Variants in VPS13A observed in about 807,000 individuals in gnomAD.
The protein encoded by VPS13A is vacuolar protein sorting 13 homolog A, also known as intermembrane lipid transfer protein VPS13A.
Under a neutral mutation model 390.9 loss-of-function variants are expected in VPS13A, and 264 were observed. That is an observed-to-expected ratio of 0.68 (90% CI 0.61 to 0.75). VPS13A has a LOEUF of 0.75. Ranked by LOEUF, VPS13A falls within the 30% of genes least tolerant of loss-of-function variation. The pLI, the probability that VPS13A is intolerant of heterozygous loss-of-function variation, is 0.00. For missense variants in VPS13A, 3,409 were observed against 3,733.9 expected (o/e 0.91, Z 2.27); for synonymous variants, 1,231 against 1,227.1 (o/e 1.00, Z -0.07).
At chr9:77,317,792 C>T (rs1157032103) in intron 40 of VPS13A, 94 bp downstream of exon 40, 1 of 883,426 alleles carries the variant, frequency 1.1e-6, no homozygotes, top group Non-Finnish European at 1.7e-6. Context: ...AATTGTTATG[C>T]AAACAAAATA....
intron 35 of VPS13A, among the ~76,000 whole-genome samples, chr9:77,313,069 T>C (rs1003056193): frequency 6.6e-6 from 1 of 152,184 alleles, no homozygotes; most frequent in Non-Finnish European, 1.5e-5. Flanking sequence ...TTTCATTCCA[T>C]AGAGTGCATG....
Position 77,258,320 on chromosome 9 carries a change from A to G in VPS13A, c.2289-1766A>G, listed in dbSNP as rs147221927. Among the ~76,000 whole-genome samples the G allele has an allele frequency of 4.8e-3, 737 of 152,312 alleles. 6 individuals carry two copies. Among genetic ancestry groups the G allele is most frequent in the African/African-American group, 0.017 (699 of 41,562 alleles). ...GCTTCATGCCTAGTTAAAGTGTACT[A>G]GGAAGAATAGAGGGAATTAGAGAGA... On this transcript the variant is annotated intron_variant, in intron 22 of 71. Transcript: ENST00000360280.
chr9:77,223,956 C>G (rs1017098484), intron 13 of VPS13A, among the ~76,000 whole-genome samples: 1 of 152,146 alleles, frequency 6.6e-6, no homozygotes, highest in African/African-American at 2.4e-5. Flanking sequence ...GCTGACGTAG[C>G]TAGTGATTTC....
At chr9:77,308,143 C>CT (rs756739783) in intron 35 of VPS13A, 45 bp downstream of exon 35, 5 of 1,596,034 alleles carry the variant, frequency 3.1e-6, no homozygotes, top group Non-Finnish European at 4.3e-6. Flanking sequence ...CTCTTTCTCT[C>CT]TTTTTTCTTC....
chr9:77,398,857 A>T (rs959972194), intron 68 of VPS13A, among the ~76,000 whole-genome samples: 3 of 151,860 alleles, frequency 2.0e-5, no homozygotes, highest in Admixed American at 1.3e-4. Flanking sequence ...ATGAGTTCAT[A>T]TCCTTTGTAG....
At chr9:77,298,412 G>T (rs1316633748) in intron 33 of VPS13A, among the ~76,000 whole-genome samples, 1 of 152,106 alleles carries the variant, frequency 6.6e-6, no homozygotes, top group Non-Finnish European at 1.5e-5. Flanking sequence ...ACAGAAAGAG[G>T]AACCCTCAAA....
intron 17 of VPS13A, among the ~76,000 whole-genome samples, chr9:77,230,225 A>C (rs190949552): frequency 1.3e-4 from 19 of 151,440 alleles, no homozygotes; most frequent in Non-Finnish European, 2.2e-4. Flanking sequence ...TTTTCTTTTT[A>C]TTTTTCTTAA....
intron 31 of VPS13A, among the ~76,000 whole-genome samples, chr9:77,284,617 C>A (rs1420996815): frequency 6.6e-6 from 1 of 152,124 alleles, no homozygotes; most frequent in Non-Finnish European, 1.5e-5. Context: ...AAGTAAAGCT[C>A]ACAGAAATAA....
chr9:77,379,596 A>G (rs1290578586), intron 67 of VPS13A, among the ~76,000 whole-genome samples: 1 of 148,234 alleles, frequency 6.7e-6, no homozygotes, highest in Non-Finnish European at 1.5e-5. Flanking sequence ...CTTGTCTTGA[A>G]CTCCTGACCT....
At position 77,416,147 on chromosome 9, in the gene VPS13A, AAAAC is replaced by A. The variant is rs937651054; in HGVS notation, c.*145_*148del. The stretch of plus-strand genomic sequence containing the variant: ...ATGCTAAAAAACAAAAACAAACAAA[AAAAC>A]AAAAACAAAAAAACAAAACCAGAAT... On this transcript the variant is annotated 3_prime_UTR_variant, in exon 72 of 72. Transcript: ENST00000360280. 5 of 989,966 alleles carry A rather than the reference AAAAC, an allele frequency of 5.1e-6. No individual in the cohort carries two copies. The African/African-American group carries it at 8.2e-5, about 16-fold the overall frequency. 61.3% of individuals were successfully genotyped at this position (989,966 alleles called of 1,614,324 possible).
chr9:77,295,563 G>A lies in VPS13A; in HGVS notation c.3529G>A (p.Ala1177Thr). Residue 1177 changes from alanine to threonine, a missense_variant, in exon 33 of 72, where the codon GCA becomes ACA. Ala to Thr is a moderately conservative substitution (Grantham distance 58, BLOSUM62 0). This residue lies in a region of VPS13A where 2,717 missense variants were observed against 2,917.4 expected (regional missense o/e 0.93). Coordinates refer to ENST00000360280, the MANE Select transcript of VPS13A (RefSeq NM_033305.3). ...ACAGGCTTTTATAGATAATTTTCAG[G>A]CAGCTAAACAAGCCTTGGCTGAGGC... is the stretch of plus-strand genomic sequence containing the variant. ...SILAFIDNFQ[A>T]AKQALAEATV... 5 of 1,606,562 alleles carry A rather than the reference G, an allele frequency of 3.1e-6. No individual in the cohort carries two copies. Among genetic ancestry groups the A allele is most frequent in the Admixed American group, 3.4e-5 (2 of 59,552 alleles).
chr9:77,282,740 G>T (rs1827111959), intron 29 of VPS13A, among the ~76,000 whole-genome samples: 1 of 152,030 alleles, frequency 6.6e-6, no homozygotes, highest in African/African-American at 2.4e-5. Flanking sequence ...TTGAGGCCAG[G>T]AGTTCAAAAC....
intron 1 of VPS13A, among the ~76,000 whole-genome samples, chr9:77,185,539 A>G (rs939760239): frequency 2.0e-5 from 3 of 152,186 alleles, no homozygotes; most frequent in Non-Finnish European, 4.4e-5. Flanking sequence ...AAAACTTCAC[A>G]TATCTGGTTA....
chr9:77,258,007 C>T (rs1825547482), intron 22 of VPS13A, among the ~76,000 whole-genome samples: 1 of 152,142 alleles, frequency 6.6e-6, no homozygotes, highest in African/African-American at 2.4e-5. Flanking sequence ...CATGTATTTA[C>T]ATTTACTGGG....
At chr9:77,275,933 A>G in intron 25 of VPS13A, 132 bp from the exon 26 acceptor site, 1 of 1,015,602 alleles carries the variant, frequency 9.8e-7, no homozygotes, top group South Asian at 1.5e-5. Context: ...GTGTGGGTAT[A>G]AAATCTCTCC....
At chr9:77,307,104 G>A (rs973110246) in intron 34 of VPS13A, among the ~76,000 whole-genome samples, 8 of 151,824 alleles carry the variant, frequency 5.3e-5, no homozygotes, top group South Asian at 4.2e-4. Flanking sequence ...GGGTTTCACC[G>A]TGTTGGCTGG....
chr9:77,357,458 C>T (rs1241559982), intron 55 of VPS13A, among the ~76,000 whole-genome samples: 5 of 141,104 alleles, frequency 3.5e-5, no homozygotes, highest in Non-Finnish European at 7.8e-5. Context: ...TTTATTTTTC[C>T]TTTATTCATT....
At chr9:77,214,536 T>C in intron 10 of VPS13A, 150 bp downstream of exon 10, 2 of 564,096 alleles carry the variant, frequency 3.5e-6, no homozygotes, top group Non-Finnish European at 6.2e-6. Flanking sequence ...GCAAATAATA[T>C]TATATTTTTT....
intron 23 of VPS13A, 108 bp from the exon 24 acceptor site, chr9:77,273,172 T>G: frequency 1.2e-6 from 1 of 825,420 alleles, no homozygotes; most frequent in Non-Finnish European, 2.0e-6. Flanking sequence ...TAATTCAAAT[T>G]GGATAGCTTT....
Sources: allele counts gnomAD v4.1 joint callset (sites outside exome capture counted in the v4.1 genomes callset), GRCh38; gene constraint gnomAD v4.1.1; regional missense constraint gnomAD v4.1.1; transcripts MANE v1.5; gene names NCBI Gene and HGNC (gene_info 2026-07-23, HGNC 2026-07-21).